GRAMD1B: variants seen among roughly 807,000 people sequenced by gnomAD.
The protein encoded by GRAMD1B is protein Aster-B.
Under a neutral mutation model 99.7 loss-of-function variants are expected in GRAMD1B, and 37 were observed. The observed-to-expected ratio is 0.37, with a 90% CI of 0.29 to 0.49. GRAMD1B has a LOEUF of 0.49. GRAMD1B is among the 20% of genes least tolerant of loss of function. The probability of loss-of-function intolerance (pLI) is 0.98; values close to 1 mark genes in which losing one functional copy is unlikely to be tolerated. For missense variants in GRAMD1B, 888 were observed against 1,009.2 expected, an observed-to-expected ratio of 0.88 and a Z score of 1.63; for synonymous variants, 427 against 387.6, an observed-to-expected ratio of 1.10 and a Z score of -1.19.
rs969160143 is a variant in GRAMD1B, at chr11:123,612,783, C to T, written c.1942C>T (p.Arg648Ter). Reference protein sequence around the residue: ...RLRVSTELRYRKQPWGLVKTF... With the variant: ...RLRVSTELRY ...CAGGGTCTCCACAGAGCTGCGCTAT[C>T]GAAAACAGCCCTGGGGGTTAGTGAA... Residue 648 changes from arginine (R) to a stop codon, truncating the protein, a stop_gained, in exon 15 of 20, where the codon CGA becomes TGA. Transcript: ENST00000635736. LOFTEE classifies it high-confidence loss of function. The T allele has an allele frequency of 1.2e-6, 2 of 1,609,000 alleles. No homozygotes were observed. Among genetic ancestry groups the T allele is most frequent in the African/African-American group, 1.3e-5 (1 of 74,970 alleles).
At position 123,430,887 on chromosome 11, in the gene GRAMD1B, G is replaced by A. The variant is rs867286182; in HGVS notation, c.95G>A (p.Ser32Asn). 1.0e-5 allele frequency: 7 copies of A among 702,398 alleles called. No homozygotes were observed. In the Admixed American group the frequency reaches 1.4e-4, roughly 14 times the overall value. The allele number at this position is 702,398 out of a possible 1,614,324, so 43.5% of individuals were successfully genotyped here. A position where few individuals can be genotyped will look rare whatever the true frequency, so the allele number is the denominator to read the frequency against. Residue 32 changes from serine to asparagine, a missense_variant, in exon 1 of 20, where the codon AGT (serine) becomes AAT (asparagine). Ser to Asn is a conservative substitution (Grantham distance 46). This residue lies in a region of GRAMD1B where 233 missense variants were observed against 154.6 expected (regional missense o/e 1.51). Coordinates refer to ENST00000635736, the MANE Select transcript of GRAMD1B (RefSeq NM_001387025.1). Reference protein sequence around the residue: ...GAPEGSPVWSSSSTPTLRRRR... With the variant: ...GAPEGSPVWSNSSTPTLRRRR... ...CCCGAGGGCAGCCCGGTCTGGTCCA[G>A]TTCGTCGACCCCCACGCTTCGCCGC...
chr11:123,415,303 G>A (rs569856613), intron 1 of GRAMD1B, among the ~76,000 whole-genome samples: 2 of 151,888 alleles, frequency 1.3e-5, no homozygotes, highest in South Asian at 2.1e-4. Context: ...GGGTTTCACC[G>A]TGTTTGCCAG....
At chr11:123,391,710 C>A (rs561719517) in intron 1 of GRAMD1B, among the ~76,000 whole-genome samples, 154 of 152,296 alleles carry the variant, frequency 1.0e-3, no homozygotes, top group African/African-American at 3.6e-3. Flanking sequence ...CCCACCTTGG[C>A]CCCCCAAAGT....
rs1253101591 is a variant in GRAMD1B, at chr11:123,622,584, C to T, written c.2623C>T (p.Arg875Cys). The change falls in exon 20 of 20, where the codon CGC becomes TGC. Residue 875 changes from arginine to cysteine, a missense_variant. Arg to Cys is a radical substitution (Grantham distance 180, BLOSUM62 -3). This residue lies in a region of GRAMD1B where 232 missense variants were observed against 261.7 expected (regional missense o/e 0.89). Transcript: ENST00000635736. ...GTCGGAAAGTGAAGAAAAGAGGAAT[C>T]GCTATCATTGACAAGGCAGGAACAG... ...YTSESEEKRN[R>C]YH 4 of 1,547,434 alleles carry T rather than the reference C, an allele frequency of 2.6e-6. No individual in the cohort carries two copies. Among genetic ancestry groups the T allele is most frequent in the Admixed American group, 3.9e-5 (2 of 51,500 alleles).
chr11:123,431,852 G>A (rs1948909173), intron 1 of GRAMD1B, among the ~76,000 whole-genome samples: 1 of 152,208 alleles, frequency 6.6e-6, no homozygotes, highest in Non-Finnish European at 1.5e-5. Flanking sequence ...CTTCCCTCAC[G>A]TAGAGAATTG....
Position 123,614,736 on chromosome 11 carries a change from T to C in GRAMD1B, c.2228-9T>C, listed in dbSNP as rs732211. ...ACCATGGTGATGGTCTCTTTAATTC[T>C]CCCCACAGGTTCCACACAGACGCGG... On this transcript the variant is annotated splice_polypyrimidine_tract_variant and intron_variant, in intron 16 of 19. Transcript: ENST00000635736. The C allele has an allele frequency of 0.42, 659,765 of 1,579,662 alleles. 144,282 individuals carry two copies. The highest frequency in any genetic ancestry group is 0.5 in the South Asian group (44,735 of 89,988).
At chr11:123,586,734 C>T (rs1950117036) in intron 4 of GRAMD1B, among the ~76,000 whole-genome samples, 1 of 152,210 alleles carries the variant, frequency 6.6e-6, no homozygotes. Context: ...TTCTGTGTTC[C>T]TTCAGGGAGC....
At chr11:123,406,408 CA>C (rs1324167038) in intron 1 of GRAMD1B, among the ~76,000 whole-genome samples, 1 of 152,112 alleles carries the variant, frequency 6.6e-6, no homozygotes, top group African/African-American at 2.4e-5. Flanking sequence ...CATGTGCCAC[CA>C]CACCCAGCTA....
intron 1 of GRAMD1B, among the ~76,000 whole-genome samples, chr11:123,471,293 A>T (rs552678247): frequency 1.3e-5 from 2 of 152,364 alleles, no homozygotes; most frequent in South Asian, 4.1e-4. Context: ...AACAGGAAGA[A>T]GCAGGAACCC....
chr11:123,559,088 AT>A (rs1021063508), intron 2 of GRAMD1B, among the ~76,000 whole-genome samples: 2 of 152,142 alleles, frequency 1.3e-5, no homozygotes, highest in African/African-American at 4.8e-5. Flanking sequence ...TAAGCCAAAC[AT>A]TTGCTGTTCA....
intron 2 of GRAMD1B, among the ~76,000 whole-genome samples, chr11:123,566,795 C>A (rs1200355045): frequency 6.6e-6 from 1 of 151,862 alleles, no homozygotes; most frequent in Non-Finnish European, 1.5e-5. Flanking sequence ...GAAAGAAGAT[C>A]CCACTTTTTA....
At chr11:123,444,567 C>A (rs186736634) in intron 1 of GRAMD1B, among the ~76,000 whole-genome samples, 1 of 152,206 alleles carries the variant, frequency 6.6e-6, no homozygotes, top group Non-Finnish European at 1.5e-5. Context: ...TGAGCCCCCA[C>A]GTCTTTCCAT....
At chr11:123,458,309 A>G (rs1950252570) in intron 1 of GRAMD1B, 1 of 152,252 alleles carries the variant, frequency 6.6e-6, no homozygotes, top group African/African-American at 2.4e-5. Context: ...CCACTGAGGG[A>G]CAGAGAGAGG....
At chr11:123,546,913 C>T (rs2673331) in intron 2 of GRAMD1B, among the ~76,000 whole-genome samples, 110,752 of 151,964 alleles carry the variant, frequency 0.73, 41,161 homozygotes, top group African/African-American at 0.87. Flanking sequence ...GGGGTTTGGA[C>T]ACCTTTGGTT....
chr11:123,520,113 C>T (rs990545372), intron 2 of GRAMD1B, among the ~76,000 whole-genome samples: 7 of 152,176 alleles, frequency 4.6e-5, no homozygotes, highest in African/African-American at 1.7e-4. Flanking sequence ...GTAGGCGAGA[C>T]TTTAAGACTC....
intron 1 of GRAMD1B, among the ~76,000 whole-genome samples, chr11:123,375,858 C>T (rs560185264): frequency 6.6e-6 from 1 of 152,242 alleles, no homozygotes; most frequent in South Asian, 2.1e-4. Flanking sequence ...GTGTACTCAT[C>T]TATTTGGCCC....
At chr11:123,395,386 G>A (rs1466517056) in intron 1 of GRAMD1B, among the ~76,000 whole-genome samples, 1 of 151,980 alleles carries the variant, frequency 6.6e-6, no homozygotes, top group Non-Finnish European at 1.5e-5. Flanking sequence ...TAAGGCTCAT[G>A]TTTCCCTTTA....
In GRAMD1B at chr11:123,626,225, G is replaced by A. The variant is rs898445133; in HGVS notation, c.*3630G>A. ...TAGCACTTCTCTTTTGTTAAGATAGGGTTTGGATTTAGTATGAAGCTTTGG... is the reference window on the plus strand; with the variant it reads ...TAGCACTTCTCTTTTGTTAAGATAGAGTTTGGATTTAGTATGAAGCTTTGG... On this transcript the variant is annotated 3_prime_UTR_variant, in exon 20 of 20. Coordinates refer to ENST00000635736, the MANE Select transcript of GRAMD1B (RefSeq NM_001387025.1). 6.6e-6 allele frequency: 1 copy of A among 152,074 alleles called. No individual in the cohort carries two copies. Among genetic ancestry groups the A allele is most frequent in the Non-Finnish European group, 1.5e-5 (1 of 68,024 alleles). The allele number at this position is 152,074 out of a possible 1,614,324, so 9.4% of individuals were successfully genotyped here.
chr11:123,389,151 G>A (rs1159396131), intron 1 of GRAMD1B, among the ~76,000 whole-genome samples: 1 of 152,048 alleles, frequency 6.6e-6, no homozygotes, highest in African/African-American at 2.4e-5. Context: ...TTGGGAGGCC[G>A]AGACAGGCAG....
Sources: gnomAD v4.1 joint callset for allele counts (sites outside exome capture counted in the v4.1 genomes callset) on GRCh38, gnomAD v4.1.1 for gene constraint, gnomAD v4.1.1 regional missense constraint, MANE v1.5 for transcripts, NCBI Gene and HGNC (gene_info 2026-07-23, HGNC 2026-07-21) for gene names.